Variants in PLEKHM3 observed in about 807,000 individuals in gnomAD.
The protein encoded by PLEKHM3 is pleckstrin homology domain containing M3.
Under a neutral mutation model 81.8 loss-of-function variants are expected in PLEKHM3, and 45 were observed. The observed-to-expected ratio is 0.55, with a 90% CI of 0.43 to 0.71. The LOEUF is 0.71. Ranked by LOEUF, PLEKHM3 falls within the 30% of genes least tolerant of loss-of-function variation. PLEKHM3 has a pLI of 0.00. For missense variants in PLEKHM3, 788 were observed against 924.3 expected (o/e 0.85, Z 1.91); for synonymous variants, 352 against 356.4 (o/e 0.99, Z 0.14).
intron 1 of PLEKHM3, among the ~76,000 whole-genome samples, chr2:208,023,820 C>T (rs1693211555): frequency 2.0e-5 from 3 of 152,084 alleles, no homozygotes; most frequent in African/African-American, 7.2e-5. Context: ...CCTCCAGGCC[C>T]TGGTAATCAC....
intron 5 of PLEKHM3, among the ~76,000 whole-genome samples, chr2:207,912,443 G>C (rs1445307057): frequency 6.6e-6 from 1 of 152,158 alleles, no homozygotes; most frequent in Non-Finnish European, 1.5e-5. Context: ...AGTCATAACA[G>C]ACACAAAGAA....
At chr2:208,021,623 T>C (rs116446089) in intron 1 of PLEKHM3, among the ~76,000 whole-genome samples, 29 of 152,354 alleles carry the variant, frequency 1.9e-4, no homozygotes, top group African/African-American at 6.7e-4. Flanking sequence ...ATAATGTTTA[T>C]TGACTTTTGT....
At chr2:207,848,377 GGTAA>G (rs1039138812) in intron 7 of PLEKHM3, among the ~76,000 whole-genome samples, 39 of 152,274 alleles carry the variant, frequency 2.6e-4, no homozygotes, top group Middle Eastern at 3.4e-3. Context: ...TTTTTTGGCA[GGTAA>G]GTAAGTGACA....
In PLEKHM3 at chr2:207,825,416, A is replaced by C. The variant is rs1331311242; in HGVS notation, c.*2903T>G. The C allele has an allele frequency of 6.6e-6, 1 of 152,198 alleles. No homozygotes were observed. The highest frequency in any genetic ancestry group is 1.5e-5 in the Non-Finnish European group (1 of 68,044). 9.4% of individuals were successfully genotyped at this position (152,198 alleles called of 1,614,324 possible). A position where few individuals can be genotyped will look rare whatever the true frequency, so the allele number is the denominator to read the frequency against. ...CATATGTTTTATGTGCAAGATATTTAATATGGGATGAAAAATGGAACACGA... is the reference window on the plus strand; with the variant it reads ...CATATGTTTTATGTGCAAGATATTTCATATGGGATGAAAAATGGAACACGA... On this transcript the variant is annotated 3_prime_UTR_variant, in exon 8 of 8. Coordinates refer to ENST00000427836, the MANE Select transcript of PLEKHM3 (RefSeq NM_001080475.3).
At chr2:207,993,180 G>C (rs13392361) in intron 2 of PLEKHM3, among the ~76,000 whole-genome samples, 8,705 of 152,236 alleles carry the variant, frequency 0.057, 798 homozygotes, top group African/African-American at 0.2. Flanking sequence ...GGTTCCCATA[G>C]AGAAGTGTTA....
At chr2:207,978,431 T>G (rs907174707) in intron 2 of PLEKHM3, among the ~76,000 whole-genome samples, 1 of 151,834 alleles carries the variant, frequency 6.6e-6, no homozygotes. Context: ...CTTCCGCCAC[T>G]GGACCTAACT....
intron 4 of PLEKHM3, among the ~76,000 whole-genome samples, chr2:207,934,171 T>C (rs1017327118): frequency 6.6e-6 from 1 of 152,212 alleles, no homozygotes; most frequent in African/African-American, 2.4e-5. Context: ...AAAAAGTTTT[T>C]TTGTTAATAT....
At chr2:207,925,649 A>ACTTTTTT (rs1212048487) in intron 5 of PLEKHM3, among the ~76,000 whole-genome samples, 3 of 152,008 alleles carry the variant, frequency 2.0e-5, no homozygotes, top group African/African-American at 7.2e-5. Flanking sequence ...TTGTGTCCTC[A>ACTTTTTT]CTTTTTTCTT....
At chr2:208,023,873 AT>A (rs34602805) in intron 1 of PLEKHM3, among the ~76,000 whole-genome samples, 85,360 of 151,928 alleles carry the variant, frequency 0.56, 28,140 homozygotes, top group Non-Finnish European at 0.73. Flanking sequence ...TTATATATTT[AT>A]TAACAAACAT....
chr2:207,930,362 G>A (rs1373802321), intron 5 of PLEKHM3, among the ~76,000 whole-genome samples: 1 of 151,924 alleles, frequency 6.6e-6, no homozygotes, highest in Non-Finnish European at 1.5e-5. Context: ...CAGGAGGATC[G>A]CTTGAGTCCA....
At chr2:208,002,021 T>G (rs1559278754) in intron 1 of PLEKHM3, 64 bp from the exon 2 acceptor site, 1 of 198,656 alleles carries the variant, frequency 5.0e-6, no homozygotes, top group Non-Finnish European at 1.0e-5. Context: ...TACACAAGTC[T>G]GCCGAATTGC....
In PLEKHM3 at chr2:207,828,255, G is replaced by A. The variant is rs1286534407; in HGVS notation, c.*64C>T. On this transcript the variant is annotated 3_prime_UTR_variant, in exon 8 of 8. Coordinates refer to ENST00000427836, the MANE Select transcript of PLEKHM3 (RefSeq NM_001080475.3). ...CCAAAGGGGTCTAACTGGCTAGTTA[G>A]GAGGCCGCTCTGGGGCTGATGGATT... 11 of 1,540,876 alleles carry A rather than the reference G, an allele frequency of 7.1e-6. No homozygotes were observed. In the Admixed American group the frequency reaches 2.2e-4, roughly 30 times the overall value.
At chr2:208,023,090 G>A (rs1693179134) in intron 1 of PLEKHM3, among the ~76,000 whole-genome samples, 1 of 151,694 alleles carries the variant, frequency 6.6e-6, no homozygotes, top group Non-Finnish European at 1.5e-5. Context: ...TGCTAACACT[G>A]GTATTTAAAA....
intron 1 of PLEKHM3, among the ~76,000 whole-genome samples, chr2:208,011,185 C>A (rs1692679582): frequency 6.6e-6 from 1 of 151,948 alleles, no homozygotes; most frequent in South Asian, 2.1e-4. Context: ...TGTGGCGATT[C>A]CTTTAAGAAC....
chr2:207,841,759 T>C (rs1160211832), intron 7 of PLEKHM3, among the ~76,000 whole-genome samples: 2 of 151,974 alleles, frequency 1.3e-5, no homozygotes, highest in Non-Finnish European at 2.9e-5. Context: ...CCATACTTTC[T>C]GAATCTTTTT....
At chr2:207,887,004 T>C (rs1438544573) in intron 6 of PLEKHM3, among the ~76,000 whole-genome samples, 4 of 152,234 alleles carry the variant, frequency 2.6e-5, no homozygotes, top group African/African-American at 9.6e-5. Context: ...CACAGGCTCA[T>C]TGTGAAGATC....
At chr2:207,942,150 C>T (rs1689959866) in intron 4 of PLEKHM3, among the ~76,000 whole-genome samples, 2 of 152,144 alleles carry the variant, frequency 1.3e-5, no homozygotes, top group African/African-American at 4.8e-5. Context: ...GATATGGAAT[C>T]AACTTAAGTG....
chr2:207,850,863 A>G (rs1295342628), intron 7 of PLEKHM3, among the ~76,000 whole-genome samples: 2 of 152,176 alleles, frequency 1.3e-5, no homozygotes, highest in African/African-American at 4.8e-5. Flanking sequence ...TAAAAGTTAG[A>G]GCCCTTCCTG....
chr2:207,934,333 A>C (rs868203072), intron 4 of PLEKHM3, among the ~76,000 whole-genome samples: 3 of 152,236 alleles, frequency 2.0e-5, no homozygotes, highest in Non-Finnish European at 2.9e-5. Context: ...AGTCAGGTGC[A>C]GATGAATGAG....
Sources: allele counts gnomAD v4.1 joint callset (sites outside exome capture counted in the v4.1 genomes callset), GRCh38; gene constraint gnomAD v4.1.1; transcripts MANE v1.5; gene names NCBI Gene and HGNC (gene_info 2026-07-23, HGNC 2026-07-21).